The following CCDC40 variants were observed in gnomAD, a reference collection of about 807,000 sequenced individuals.
CCDC40 encodes coiled-coil domain 40 molecular ruler complex subunit, also known as coiled-coil domain-containing protein 40.
A neutral mutation model predicts 124.5 loss-of-function variants in CCDC40; 104 were observed. That is an observed-to-expected ratio of 0.84 (90% CI 0.71 to 0.98). CCDC40 has a LOEUF of 0.98. Among genes scored for constraint, CCDC40 ranks in the 50% least tolerant of loss-of-function variants. The pLI, the probability that CCDC40 is intolerant of heterozygous loss-of-function variation, is 0.00. For missense variants in CCDC40, 1,463 were observed against 1,503.9 expected, an observed-to-expected ratio of 0.97 and a Z score of 0.45; for synonymous variants, 580 against 602.9, an observed-to-expected ratio of 0.96 and a Z score of 0.56.
chr17:80,042,137 G>T (rs948360167), intron 3 of CCDC40, among the ~76,000 whole-genome samples: 1 of 151,318 alleles, frequency 6.6e-6, no homozygotes, highest in African/African-American at 2.4e-5. Context: ...TCTTTTTTTT[G>T]AGATGTAGTC....
At chr17:80,045,481 A>ATCAC (rs1265838026) in intron 3 of CCDC40, among the ~76,000 whole-genome samples, 4 of 152,134 alleles carry the variant, frequency 2.6e-5, no homozygotes, top group Admixed American at 2.6e-4. Flanking sequence ...AGGCGGGTGG[A>ATCAC]TCACTTGAGG....
At chr17:80,097,495 C>A in intron 19 of CCDC40, 92 bp downstream of exon 19, 1 of 1,374,994 alleles carries the variant, frequency 7.3e-7, no homozygotes, top group Non-Finnish European at 1.0e-6. Flanking sequence ...GAGTCACGGC[C>A]TCTCCTGATC....
At chr17:80,072,406 C>T (rs192276185) in intron 10 of CCDC40, among the ~76,000 whole-genome samples, 2 of 152,284 alleles carry the variant, frequency 1.3e-5, no homozygotes, top group African/African-American at 4.8e-5. Context: ...CACTCTCAGG[C>T]ACACATTTCC....
intron 10 of CCDC40, among the ~76,000 whole-genome samples, chr17:80,077,028 G>A (rs767460315): frequency 3.3e-5 from 5 of 151,932 alleles, no homozygotes; most frequent in Non-Finnish European, 2.9e-5. Context: ...GGACCACCAC[G>A]CCCAGCCTAA....
chr17:80,090,716 T>G (rs1244308719), intron 17 of CCDC40: 3 of 1,412,170 alleles, frequency 2.1e-6, no homozygotes, highest in Middle Eastern at 2.6e-4. Context: ...AAAAGGCTGG[T>G]AATTAAATTG....
At chr17:80,037,688 A>AAAAAAAATATATATATATAT in intron 1 of CCDC40, among the ~76,000 whole-genome samples, 51 of 45,698 alleles carry the variant, frequency 1.1e-3, no homozygotes, top group African/African-American at 2.8e-3. Context: ...TTTTTTAAAA[A>AAAAAAAATATATATATATAT]AGATATACAT....
Position 80,069,857 on chromosome 17 carries a change from C to G in CCDC40, c.1562+4251C>G, listed in dbSNP as rs546906332. On this transcript the variant is annotated intron_variant, in intron 10 of 19. Coordinates refer to ENST00000397545, the MANE Select transcript of CCDC40 (RefSeq NM_017950.4). ...AAGAAAACTGAGGGCTTGCCCTAAT[C>G]TCCTAGACTTCCTTTTCCCTCAGTC... Among the ~76,000 whole-genome samples, 10 of 152,322 alleles carry G rather than the reference C, an allele frequency of 6.6e-5. No individual in the cohort carries two copies. The East Asian group carries it at 1.9e-3, about 29-fold the overall frequency.
chr17:80,056,400 G>A (rs888395145), intron 7 of CCDC40, among the ~76,000 whole-genome samples: 2 of 151,438 alleles, frequency 1.3e-5, no homozygotes, highest in African/African-American at 4.9e-5. Flanking sequence ...CTGGCAGATC[G>A]TTTGAGCTCA....
At chr17:80,095,639 C>A (rs1013359452) in intron 18 of CCDC40, among the ~76,000 whole-genome samples, 188 bp downstream of exon 18, 23 of 151,352 alleles carry the variant, frequency 1.5e-4, no homozygotes, top group Admixed American at 1.5e-3. Flanking sequence ...ATCCCCAGTT[C>A]TGCTAACCTG....
chr17:80,059,350 C>T (rs1023833107), intron 9 of CCDC40, among the ~76,000 whole-genome samples: 4 of 152,106 alleles, frequency 2.6e-5, no homozygotes, highest in African/African-American at 7.2e-5. Flanking sequence ...CGTGGGCAGC[C>T]GGCCTTCCGG....
intron 1 of CCDC40, 120 bp downstream of exon 1, chr17:80,036,811 C>G (rs2037073430): frequency 1.1e-6 from 1 of 934,220 alleles, no homozygotes; most frequent in East Asian, 3.3e-5. Flanking sequence ...CCCCCTTCCT[C>G]TCGCCTGTGT....
intron 3 of CCDC40, among the ~76,000 whole-genome samples, chr17:80,043,366 G>A (rs574164601): frequency 1.3e-5 from 2 of 152,278 alleles, no homozygotes; most frequent in East Asian, 1.9e-4. Context: ...ATGCTGGGGT[G>A]TCACTGTCCC....
In CCDC40 at chr17:80,097,448, A is replaced by G. The variant is rs59252872; in HGVS notation, c.3180+45A>G. 423,817 of 1,606,880 alleles carry G rather than the reference A, an allele frequency of 0.26. 58,816 individuals are homozygous for G. Among genetic ancestry groups the G allele is most frequent in the African/African-American group, 0.49 (36,561 of 74,780 alleles). ...TCCCTGGGGATGACGGCCATGGAACATGCCACTCACACAGAGGTCCTGCGT... is the reference window on the plus strand; with the variant it reads ...TCCCTGGGGATGACGGCCATGGAACGTGCCACTCACACAGAGGTCCTGCGT... On this transcript the variant is annotated intron_variant, in intron 19 of 19. Coordinates refer to ENST00000397545, the MANE Select transcript of CCDC40 (RefSeq NM_017950.4).
At chr17:80,074,466 C>T (rs902114494) in intron 10 of CCDC40, among the ~76,000 whole-genome samples, 1 of 152,186 alleles carries the variant, frequency 6.6e-6, no homozygotes, top group African/African-American at 2.4e-5. Context: ...GCCTGGGCAA[C>T]AGAGCGAGAC....
intron 7 of CCDC40, 42 bp downstream of exon 7, chr17:80,050,325 G>A: frequency 6.8e-7 from 1 of 1,471,256 alleles, no homozygotes; most frequent in South Asian, 1.2e-5. Context: ...CGGTCCTGGA[G>A]GGTTTCCCAG....
At chr17:80,051,628 CAAAAAAA>C (rs200887220) in intron 7 of CCDC40, among the ~76,000 whole-genome samples, 16 of 94,146 alleles carry the variant, frequency 1.7e-4, no homozygotes, top group African/African-American at 6.4e-4. Flanking sequence ...GACTCCGTCT[CAAAAAAA>C]AAAAAAAAAA....
chr17:80,094,224 C>T (rs941328057), intron 17 of CCDC40, among the ~76,000 whole-genome samples: 12 of 148,698 alleles, frequency 8.1e-5, no homozygotes, highest in South Asian at 6.5e-4. Context: ...GCCTGGCCAC[C>T]ACGGTGAAAC....
At chr17:80,044,750 C>T (rs193006727) in intron 3 of CCDC40, among the ~76,000 whole-genome samples, 1 of 138,756 alleles carries the variant, frequency 7.2e-6, no homozygotes, top group Non-Finnish European at 1.5e-5. Context: ...TCAACAACAG[C>T]AAAACCAGTG....
At chr17:80,037,407 A>T (rs12600795) in intron 1 of CCDC40, among the ~76,000 whole-genome samples, 149,870 of 152,138 alleles carry the variant, frequency 0.99, 73,860 homozygotes, top group Middle Eastern at 1. Context: ...TCATTTTTTT[A>T]AAGGTGGGTC....
Sources: allele counts gnomAD v4.1 joint callset (sites outside exome capture counted in the v4.1 genomes callset), GRCh38; gene constraint gnomAD v4.1.1; transcripts MANE v1.5; gene names NCBI Gene and HGNC (gene_info 2026-07-23, HGNC 2026-07-21).